The following MAP2K1 variants were observed in gnomAD, a reference collection of about 807,000 sequenced individuals.
MAP2K1 encodes mitogen-activated protein kinase kinase 1.
In MAP2K1, 16 loss-of-function variants were observed where a neutral mutation model predicts 46.3. The observed-to-expected ratio is 0.35, with a 90% CI of 0.23 to 0.52. The LOEUF is 0.52. Among genes scored for constraint, MAP2K1 ranks in the 20% least tolerant of loss-of-function variants. The pLI is 0.94. For synonymous variants in MAP2K1, 183 were observed against 185.6 expected (o/e 0.99, Z 0.11); for missense variants, 263 against 497.1 (o/e 0.53, Z 4.48).
chr15:66,488,825 C>CTTG, intron 8 of MAP2K1: 2 of 259,374 alleles, frequency 7.7e-6, no homozygotes, highest in Non-Finnish European at 1.5e-5. Flanking sequence ...GTTCCCATGC[C>CTTG]GCACTCCAAG....
At chr15:66,389,667 C>T (rs28565411) in intron 1 of MAP2K1, among the ~76,000 whole-genome samples, 44,879 of 150,040 alleles carry the variant, frequency 0.3, 7,161 homozygotes, top group Admixed American at 0.39. Context: ...CTCCACCTCC[C>T]GGCTTCAAGC....
intron 1 of MAP2K1, among the ~76,000 whole-genome samples, chr15:66,400,588 TG>T (rs1329734237): frequency 1.3e-5 from 2 of 152,114 alleles, no homozygotes; most frequent in Non-Finnish European, 2.9e-5. Flanking sequence ...TGCTGCAACT[TG>T]ATTGTGTTTT....
intron 1 of MAP2K1, among the ~76,000 whole-genome samples, chr15:66,405,989 A>G (rs2093395787): frequency 6.6e-6 from 1 of 152,238 alleles, no homozygotes. Flanking sequence ...GCTGCCTATT[A>G]TTTGCCATTG....
At chr15:66,444,101 G>A (rs947641654) in intron 4 of MAP2K1, among the ~76,000 whole-genome samples, 7 of 151,934 alleles carry the variant, frequency 4.6e-5, no homozygotes, top group Non-Finnish European at 7.4e-5. Context: ...AGCCGGGGGT[G>A]TTGGTGCATG....
intron 6 of MAP2K1, 30 bp from the exon 7 acceptor site, chr15:66,484,960 G>C: frequency 6.3e-7 from 1 of 1,590,956 alleles, no homozygotes; most frequent in Non-Finnish European, 8.6e-7. Context: ...AGTTAGGTTA[G>C]GTGATTATCA....
chr15:66,392,463 G>T (rs2093358915), intron 1 of MAP2K1, among the ~76,000 whole-genome samples: 1 of 151,126 alleles, frequency 6.6e-6, no homozygotes. Context: ...ATAGGTATGA[G>T]CCACTGTGCT....
At chr15:66,395,025 T>C (rs1465256203) in intron 1 of MAP2K1, among the ~76,000 whole-genome samples, 1 of 152,168 alleles carries the variant, frequency 6.6e-6, no homozygotes, top group Non-Finnish European at 1.5e-5. Flanking sequence ...CTCACAGAAT[T>C]CCAGTTTCAC....
chr15:66,459,309 CAA>C (rs35580857), intron 5 of MAP2K1, among the ~76,000 whole-genome samples: 475 of 123,116 alleles, frequency 3.9e-3, no homozygotes, highest in Admixed American at 5.8e-3. Flanking sequence ...GACTCTGTCT[CAA>C]AAAAAAAAAA....
intron 7 of MAP2K1, among the ~76,000 whole-genome samples, chr15:66,485,828 C>T (rs35085892): frequency 0.056 from 8,565 of 152,282 alleles, 344 homozygotes; most frequent in Middle Eastern, 0.11. Context: ...AATCCTCCCG[C>T]CTCAGCCTCC....
chr15:66,471,214 G>T (rs1037184423), intron 5 of MAP2K1, among the ~76,000 whole-genome samples: 3 of 152,108 alleles, frequency 2.0e-5, no homozygotes, highest in African/African-American at 7.2e-5. Context: ...GCCATGTTAT[G>T]TAGAAGCCAG....
intron 1 of MAP2K1, among the ~76,000 whole-genome samples, chr15:66,433,002 T>TG (rs1567008282): frequency 4.7e-5 from 1 of 21,270 alleles, no homozygotes; most frequent in Non-Finnish European, 1.7e-4. Flanking sequence ...GTGTGTGTGT[T>TG]GACAGCTTTT....
chr15:66,418,685 C>T (rs1018093996), intron 1 of MAP2K1, among the ~76,000 whole-genome samples: 4 of 151,060 alleles, frequency 2.6e-5, no homozygotes, highest in African/African-American at 4.9e-5. Flanking sequence ...TTTTTTGAGA[C>T]GGAGTCTCGC....
rs1195282238 is a variant in MAP2K1, at chr15:66,489,424, C to G, written c.1022+148C>G. The G allele has an allele frequency of 7.5e-6, 6 of 800,684 alleles. No homozygotes were observed. In the African/African-American group the frequency reaches 1.0e-4, roughly 14 times the overall value. 49.6% of individuals were successfully genotyped at this position (800,684 alleles called of 1,614,324 possible). ...TGATTCTTGGCTGCTGCCATAAGCC[C>G]TTTTTTAGAGTGCCAAGACTTATGT... On this transcript the variant is annotated intron_variant, in intron 9 of 10. Coordinates refer to ENST00000307102, the MANE Select transcript of MAP2K1 (RefSeq NM_002755.4).
At chr15:66,487,622 TC>T (rs1377140396) in intron 8 of MAP2K1, among the ~76,000 whole-genome samples, 2 of 152,206 alleles carry the variant, frequency 1.3e-5, no homozygotes, top group Non-Finnish European at 2.9e-5. Flanking sequence ...AAAAAACACA[TC>T]GCTGTCACAG....
intron 2 of MAP2K1, among the ~76,000 whole-genome samples, chr15:66,435,978 C>T (rs1270416852): frequency 6.6e-6 from 1 of 152,162 alleles, no homozygotes; most frequent in Admixed American, 6.5e-5. Context: ...TCCTATCTAC[C>T]CTTGGTCCTC....
chr15:66,405,907 C>A (rs1036299806), intron 1 of MAP2K1, among the ~76,000 whole-genome samples: 4 of 152,196 alleles, frequency 2.6e-5, no homozygotes, highest in African/African-American at 9.6e-5. Flanking sequence ...AGCTGCTAAC[C>A]ATTTGTCTTC....
At position 66,386,927 on chromosome 15, in the gene MAP2K1, C is replaced by A. The variant is rs1327563878; in HGVS notation, c.-421C>A. On this transcript the variant is annotated 5_prime_UTR_variant, in exon 1 of 11. Transcript: ENST00000307102. ...CCCGGCCTCCAGTCCCTCCCAGGGCCGCTTCGCAGAGCGGCTAGGAGCACG... is the reference window on the plus strand; with the variant it reads ...CCCGGCCTCCAGTCCCTCCCAGGGCAGCTTCGCAGAGCGGCTAGGAGCACG... The A allele has an allele frequency of 2.4e-5, 6 of 246,028 alleles. No homozygotes were observed. The highest frequency in any genetic ancestry group is 4.7e-5 in the Non-Finnish European group (6 of 127,722). 15.2% of individuals were successfully genotyped at this position (246,028 alleles called of 1,614,324 possible).
intron 1 of MAP2K1, among the ~76,000 whole-genome samples, chr15:66,405,764 C>G (rs988326049): frequency 6.6e-6 from 1 of 152,148 alleles, no homozygotes; most frequent in African/African-American, 2.4e-5. Flanking sequence ...AGGGCATGTC[C>G]GGATTAGTTT....
intron 8 of MAP2K1, chr15:66,488,779 G>T: frequency 4.6e-6 from 1 of 216,254 alleles, no homozygotes; most frequent in South Asian, 7.7e-5. Context: ...GTTTGCACGT[G>T]CCCCTAGCTG....
Sources: allele counts gnomAD v4.1 joint callset (sites outside exome capture counted in the v4.1 genomes callset), GRCh38; gene constraint gnomAD v4.1.1; transcripts MANE v1.5; gene names NCBI Gene and HGNC (gene_info 2026-07-23, HGNC 2026-07-21).